LDB2: variants seen among roughly 807,000 people sequenced by gnomAD.
The protein encoded by LDB2 is LIM domain-binding protein 2.
A neutral mutation model predicts 44.3 loss-of-function variants in LDB2; 12 were observed. The ratio of observed to expected loss-of-function variants is 0.27; its 90% confidence interval spans 0.17 to 0.44. The LOEUF (loss-of-function observed/expected upper bound fraction) is 0.44. Ranked by LOEUF, LDB2 falls within the 20% of genes least tolerant of loss-of-function variation. The probability of loss-of-function intolerance (pLI) is 1.00; values close to 1 mark genes in which losing one functional copy is unlikely to be tolerated. For missense variants in LDB2, 344 were observed against 473.5 expected, an observed-to-expected ratio of 0.73 and a Z score of 2.54; for synonymous variants, 164 against 174.8, an observed-to-expected ratio of 0.94 and a Z score of 0.49.
intron 2 of LDB2, among the ~76,000 whole-genome samples, chr4:16,678,885 A>G (rs1747050060): frequency 1.3e-5 from 2 of 152,124 alleles, no homozygotes; most frequent in South Asian, 4.1e-4. Flanking sequence ...TATAAAGAAA[A>G]TTTTCTATTT....
intron 1 of LDB2, among the ~76,000 whole-genome samples, chr4:16,856,437 A>C (rs1034407081): frequency 2.6e-5 from 4 of 152,188 alleles, no homozygotes; most frequent in Non-Finnish European, 4.4e-5. Context: ...ACTTTTAAGT[A>C]CAATCAAGCT....
intron 5 of LDB2, among the ~76,000 whole-genome samples, chr4:16,545,354 G>A (rs763872368): frequency 2.6e-5 from 4 of 152,126 alleles, no homozygotes; most frequent in Non-Finnish European, 5.9e-5. Context: ...CAAAGACATA[G>A]CAGATAAAGA....
intron 2 of LDB2, among the ~76,000 whole-genome samples, chr4:16,720,055 A>C (rs576129864): frequency 3.3e-5 from 5 of 152,066 alleles, no homozygotes; most frequent in African/African-American, 1.2e-4. Context: ...GCCAAGAGAG[A>C]CTCAATAACT....
At position 16,527,218 on chromosome 4, in the gene LDB2, G is replaced by A. The variant is rs1290154433; in HGVS notation, c.616-15114C>T. Reference sequence around the variant, plus strand: ...GGGGCAGAATTCTCAGGAGCAGAGGGAAGAGCAAGAGTGAAGACTTGAGTT... The same window carrying A: ...GGGGCAGAATTCTCAGGAGCAGAGGAAAGAGCAAGAGTGAAGACTTGAGTT... On this transcript the variant is annotated intron_variant, in intron 5 of 7. Transcript: ENST00000304523. Among the ~76,000 whole-genome samples the A allele has an allele frequency of 2.6e-5, 4 of 152,164 alleles. No homozygotes were observed. In the East Asian group the frequency reaches 7.7e-4, roughly 29 times the overall value.
intron 1 of LDB2, among the ~76,000 whole-genome samples, chr4:16,896,452 A>G (rs1378116319): frequency 1.3e-5 from 2 of 152,046 alleles, no homozygotes; most frequent in African/African-American, 4.8e-5. Context: ...CTTGCAGATA[A>G]GTCTCCTAGC....
In LDB2 at chr4:16,508,595, G is replaced by A. The variant is rs945726571; in HGVS notation, c.831C>T (p.Asn277=). ...TGGTCTTCTTCTTGCTGCCAGTGCT[G>A]TTTGCATTGTTCCCAGCGCTGCTGT... ...TSNSSAGNNA[N]STGSKKKTTA... The change falls in exon 7 of 8, where the codon AAC becomes AAT. Residue 277 remains asparagine, a synonymous_variant. Transcript: ENST00000304523. The A allele has an allele frequency of 3.7e-6, 6 of 1,613,350 alleles. No homozygotes were observed. Among genetic ancestry groups the A allele is most frequent in the South Asian group, 2.2e-5 (2 of 90,878 alleles).
intron 1 of LDB2, among the ~76,000 whole-genome samples, chr4:16,800,762 C>A (rs1457575259): frequency 2.0e-5 from 3 of 152,220 alleles, no homozygotes; most frequent in Non-Finnish European, 2.9e-5. Flanking sequence ...GCCAGCTCCG[C>A]CTCCCAGGTT....
intron 2 of LDB2, among the ~76,000 whole-genome samples, chr4:16,658,345 T>C (rs1740501648): frequency 6.6e-6 from 1 of 152,248 alleles, no homozygotes; most frequent in Non-Finnish European, 1.5e-5. Flanking sequence ...GGTAGGTCTC[T>C]GCATCCTTGA....
At chr4:16,865,084 C>T (rs1436698796) in intron 1 of LDB2, among the ~76,000 whole-genome samples, 2 of 151,744 alleles carry the variant, frequency 1.3e-5, no homozygotes, top group African/African-American at 4.8e-5. Flanking sequence ...AACCCCGTCT[C>T]GTCTAAAAAT....
intron 2 of LDB2, among the ~76,000 whole-genome samples, chr4:16,718,878 G>T (rs1252995874): frequency 6.6e-6 from 1 of 152,016 alleles, no homozygotes; most frequent in Non-Finnish European, 1.5e-5. Flanking sequence ...GGTATCAATT[G>T]TTCTTAAAAG....
intron 2 of LDB2, among the ~76,000 whole-genome samples, chr4:16,664,039 GA>G (rs35111366): frequency 6.6e-6 from 1 of 151,700 alleles, no homozygotes; most frequent in Non-Finnish European, 1.5e-5. Context: ...AAGAGAGAGA[GA>G]AAAAAAGGGA....
chr4:16,513,897 CAT>C (rs922005231), intron 5 of LDB2, among the ~76,000 whole-genome samples: 1 of 152,188 alleles, frequency 6.6e-6, no homozygotes, highest in African/African-American at 2.4e-5. Flanking sequence ...AAAATCTAAA[CAT>C]ATTATTCTAA....
chr4:16,761,028 A>G, intron 1 of LDB2, among the ~76,000 whole-genome samples: 1 of 151,750 alleles, frequency 6.6e-6, no homozygotes, highest in East Asian at 1.9e-4. Context: ...TTTCTCTTCA[A>G]TACAAATATA....
intron 2 of LDB2, among the ~76,000 whole-genome samples, chr4:16,680,059 G>A (rs1660072614): frequency 6.6e-6 from 1 of 152,110 alleles, no homozygotes; most frequent in Admixed American, 6.5e-5. Context: ...GGACCTTTGG[G>A]AGGTGATTAG....
At chr4:16,536,090 C>T (rs1035928438) in intron 5 of LDB2, among the ~76,000 whole-genome samples, 13 of 152,182 alleles carry the variant, frequency 8.5e-5, no homozygotes, top group Admixed American at 5.9e-4. Flanking sequence ...AGGCCACAAA[C>T]GGTAAGGGGA....
chr4:16,665,329 G>C (rs563274924), intron 2 of LDB2, among the ~76,000 whole-genome samples: 1 of 139,362 alleles, frequency 7.2e-6, no homozygotes, highest in South Asian at 2.3e-4. Context: ...GCAGTGGTGT[G>C]ATCTTGGCTC....
At chr4:16,711,217 G>C (rs1755796791) in intron 2 of LDB2, among the ~76,000 whole-genome samples, 1 of 152,184 alleles carries the variant, frequency 6.6e-6, no homozygotes, top group Non-Finnish European at 1.5e-5. Flanking sequence ...AACAGAAGGA[G>C]TTAACCAGTT....
At chr4:16,713,451 A>G (rs145347940) in intron 2 of LDB2, among the ~76,000 whole-genome samples, 6 of 152,230 alleles carry the variant, frequency 3.9e-5, no homozygotes, top group African/African-American at 1.4e-4. Context: ...GAACTTGGGA[A>G]CCTAAAGGAT....
chr4:16,863,253 G>C (rs1161097195), intron 1 of LDB2, among the ~76,000 whole-genome samples: 1 of 152,166 alleles, frequency 6.6e-6, no homozygotes, highest in Non-Finnish European at 1.5e-5. Context: ...AAAGCAGAAA[G>C]AGAGGAGAGT....
Sources: allele counts gnomAD v4.1 joint callset (sites outside exome capture counted in the v4.1 genomes callset), GRCh38; gene constraint gnomAD v4.1.1; transcripts MANE v1.5; gene names NCBI Gene and HGNC (gene_info 2026-07-23, HGNC 2026-07-21).